The following CLNS1A variants were observed in gnomAD, a reference collection of about 807,000 sequenced individuals.
CLNS1A encodes methylosome subunit pICln.
CLNS1A carries 16 observed loss-of-function variants against 29.4 expected under a neutral mutation model. That is an observed-to-expected ratio of 0.54 (90% confidence interval 0.37 to 0.83). The LOEUF (loss-of-function observed/expected upper bound fraction) is 0.83, where lower values mean the gene tolerates loss of function less well. Among genes scored for constraint, CLNS1A ranks in the 40% least tolerant of loss-of-function variants. The pLI is 0.00. For synonymous variants in CLNS1A, 96 were observed against 104.8 expected, an observed-to-expected ratio of 0.92 and a Z score of 0.51; for missense variants, 235 against 287.4, an observed-to-expected ratio of 0.82 and a Z score of 1.32.
chr11:77,622,321 A>G (rs1425068573), intron 5 of CLNS1A, 179 bp downstream of exon 5: 3 of 598,650 alleles, frequency 5.0e-6, no homozygotes, highest in East Asian at 2.9e-5. Context: ...GGTAATGAGG[A>G]AAAAAAATCA....
chr11:77,635,289 T>C (rs1420089305), intron 1 of CLNS1A, among the ~76,000 whole-genome samples: 2 of 151,244 alleles, frequency 1.3e-5, no homozygotes, highest in Non-Finnish European at 2.9e-5. Context: ...AAATGTTAAC[T>C]AATAAATCTT....
chr11:77,632,826 T>C (rs754496563), intron 1 of CLNS1A, among the ~76,000 whole-genome samples: 1 of 152,116 alleles, frequency 6.6e-6, no homozygotes, highest in Non-Finnish European at 1.5e-5. Context: ...GGCTCAGGCC[T>C]ATAATTTTGG....
chr11:77,635,539 C>T (rs953841892), intron 1 of CLNS1A, among the ~76,000 whole-genome samples: 1 of 151,750 alleles, frequency 6.6e-6, no homozygotes, highest in Non-Finnish European at 1.5e-5. Context: ...TTAGTAGAGA[C>T]AGGGTTTCAC....
At chr11:77,628,074 T>A (rs368548021) in intron 2 of CLNS1A, among the ~76,000 whole-genome samples, 43 of 152,316 alleles carry the variant, frequency 2.8e-4, no homozygotes, top group African/African-American at 1.0e-3. Flanking sequence ...TCTGCCCCCC[T>A]TGGCCTCCCA....
intron 4 of CLNS1A, among the ~76,000 whole-genome samples, chr11:77,622,949 GA>G (rs35752186): frequency 0.01 from 1,067 of 105,776 alleles, 3 homozygotes; most frequent in African/African-American, 0.018. Context: ...CCTTGTCTTG[GA>G]AAAAAAAAAA....
chr11:77,615,251 T>C lies in CLNS1A; in HGVS notation c.*1467A>G, dbSNP rs1031627769. On this transcript the variant is annotated 3_prime_UTR_variant, in exon 7 of 7. Transcript: ENST00000525428. Reference sequence around the variant, plus strand: ...TGGACAAACTTCTAGGATAGAATTATGGGTGTTGCTCAGATGGGTAGCAGA... The same window carrying C: ...TGGACAAACTTCTAGGATAGAATTACGGGTGTTGCTCAGATGGGTAGCAGA... 1 of 152,230 alleles carries C rather than the reference T, an allele frequency of 6.6e-6. No homozygotes were observed. The highest frequency in any genetic ancestry group is 2.1e-4 in the South Asian group (1 of 4,832). The allele number at this position is 152,230 out of a possible 1,614,324, so 9.4% of individuals were successfully genotyped here. A position where few individuals can be genotyped will look rare whatever the true frequency, so the allele number is the denominator to read the frequency against.
At chr11:77,627,966 C>T (rs992553285) in intron 2 of CLNS1A, among the ~76,000 whole-genome samples, 5 of 152,136 alleles carry the variant, frequency 3.3e-5, no homozygotes, top group African/African-American at 1.2e-4. Flanking sequence ...GCTGGGATTA[C>T]AGGCACCCGC....
intron 3 of CLNS1A, chr11:77,625,495 G>T: frequency 2.0e-6 from 1 of 503,780 alleles, no homozygotes; most frequent in East Asian, 3.2e-5. Flanking sequence ...AATATACCCA[G>T]ATGACAGAGT....
At position 77,637,698 on chromosome 11, in the gene CLNS1A, CTTT is replaced by C; in HGVS notation, c.14_16del (p.Lys5del). The C allele has an allele frequency of 6.4e-7, 1 of 1,559,094 alleles. No individual in the cohort carries two copies. The highest frequency in any genetic ancestry group is 8.7e-7 in the Non-Finnish European group (1 of 1,151,494). ...CTCCGCTGGCCCAGGCGGCGGGAAA[CTTT>C]TGAGGAAGCTCATAGCAGCAGAGTG... On this transcript the variant is annotated inframe_deletion, in exon 1 of 7. Transcript: ENST00000525428.
chr11:77,618,087 C>T (rs1486514882), intron 6 of CLNS1A, among the ~76,000 whole-genome samples: 1 of 152,082 alleles, frequency 6.6e-6, no homozygotes, highest in Admixed American at 6.5e-5. Context: ...CAGTAACATC[C>T]CATTTGTTTA....
intron 2 of CLNS1A, 100 bp downstream of exon 2, chr11:77,629,663 G>A (rs1959055156): frequency 2.6e-6 from 3 of 1,147,028 alleles, no homozygotes; most frequent in Non-Finnish European, 3.7e-6. Flanking sequence ...CAGAGTGCTG[G>A]GATTACAGGC....
intron 1 of CLNS1A, 89 bp downstream of exon 1, chr11:77,637,501 C>G: frequency 1.4e-6 from 2 of 1,462,758 alleles, no homozygotes; most frequent in Non-Finnish European, 1.8e-6. Context: ...GCCTCCAGGC[C>G]GCCCCTTGCC....
At chr11:77,627,817 GA>G (rs1306645616) in intron 2 of CLNS1A, among the ~76,000 whole-genome samples, 2 of 152,062 alleles carry the variant, frequency 1.3e-5, no homozygotes, top group African/African-American at 4.8e-5. Flanking sequence ...GCAAGTTAAT[GA>G]CAGAGTTCTT....
At position 77,624,984 on chromosome 11, in the gene CLNS1A, C is replaced by A. The variant is rs760007966; in HGVS notation, c.451G>T (p.Glu151Ter). 6.2e-7 allele frequency: 1 copy of A among 1,612,236 alleles called. No homozygotes were observed. The highest frequency in any genetic ancestry group is 2.2e-5 in the East Asian group (1 of 44,878). ...DEDSDDYDGE[E>*]YDVEAHEQGQ... ...TAACCATGTGCTTCCACATCATATT[C>A]TTCTCCATCGTAGTCATCTGAATCC... The change falls in exon 4 of 7, where the codon GAA becomes TAA. Residue 151 changes from glutamate to a stop codon, truncating the protein, a stop_gained. Transcript: ENST00000525428. LOFTEE classifies it high-confidence loss of function.
Position 77,624,956 on chromosome 11 carries a change from C to T in CLNS1A, c.472+7G>A, listed in dbSNP as rs750543807. ...AAAAAACCCACTTTAAAATCCATTT[C>T]ACTAACCATGTGCTTCCACATCATA... On this transcript the variant is annotated splice_region_variant and intron_variant, in intron 4 of 6. Transcript: ENST00000525428. 4.1e-5 allele frequency: 65 copies of T among 1,578,628 alleles called. No homozygotes were observed. The highest frequency in any genetic ancestry group is 5.4e-5 in the Non-Finnish European group (62 of 1,152,814).
intron 2 of CLNS1A, among the ~76,000 whole-genome samples, chr11:77,626,611 C>A (rs1959022265): frequency 6.6e-6 from 1 of 151,580 alleles, no homozygotes; most frequent in Non-Finnish European, 1.5e-5. Context: ...CGCACTCCAG[C>A]CTAGGTGACA....
intron 5 of CLNS1A, among the ~76,000 whole-genome samples, chr11:77,621,040 T>C (rs1392329236): frequency 1.3e-5 from 2 of 150,262 alleles, no homozygotes; most frequent in Non-Finnish European, 3.0e-5. Context: ...CTCACGCCTG[T>C]AATCCCAATA....
At chr11:77,622,469 C>G (rs375032831) in intron 5 of CLNS1A, 31 bp downstream of exon 5, 1 of 1,528,410 alleles carries the variant, frequency 6.5e-7, no homozygotes, top group Non-Finnish European at 8.8e-7. Flanking sequence ...AAGTGCTCAT[C>G]TGACTGTTCA....
chr11:77,621,356 A>G (rs1219256755), intron 5 of CLNS1A, among the ~76,000 whole-genome samples: 1 of 152,160 alleles, frequency 6.6e-6, no homozygotes, highest in Non-Finnish European at 1.5e-5. Context: ...ACAAAAGGAC[A>G]CAAGACTGAA....
Sources: gnomAD v4.1 joint callset for allele counts (sites outside exome capture counted in the v4.1 genomes callset) on GRCh38, gnomAD v4.1.1 for gene constraint, MANE v1.5 for transcripts, NCBI Gene and HGNC (gene_info 2026-07-23, HGNC 2026-07-21) for gene names.